TP53I11: variants seen among roughly 807,000 people sequenced by gnomAD.
TP53I11 encodes the protein tumor protein p53-inducible protein 11.
A neutral mutation model predicts 23.3 loss-of-function variants in TP53I11; 9 were observed. That is an observed-to-expected ratio of 0.39 (90% CI 0.23 to 0.67). TP53I11 has a LOEUF of 0.67. Ranked by LOEUF, TP53I11 falls within the 30% of genes least tolerant of loss-of-function variation. The pLI, the probability that TP53I11 is intolerant of heterozygous loss-of-function variation, is 0.48. For missense variants in TP53I11, 170 were observed against 255.2 expected, an observed-to-expected ratio of 0.67 and a Z score of 2.27; for synonymous variants, 100 against 106.1, an observed-to-expected ratio of 0.94 and a Z score of 0.35.
At chr11:44,937,521 T>A in intron 3 of TP53I11, 34 bp downstream of exon 3, 1 of 1,611,826 alleles carries the variant, frequency 6.2e-7, no homozygotes, top group Non-Finnish European at 8.5e-7. Flanking sequence ...GCCGCAGGCC[T>A]TCCCCTCCCC....
Position 44,936,578 on chromosome 11 carries a change from A to G in TP53I11, c.334+225T>C, listed in dbSNP as rs2135425560. On this transcript the variant is annotated intron_variant, in intron 5 of 6. Transcript: ENST00000525680. This position sits in a 1 kb window ranked among gnomAD's most constrained non-coding sequence, Gnocchi z 4.4. Reference sequence around the variant, plus strand: ...ACACACTTATGAGCGCTCCTTGCAGATGGTGGCGACTGCAAGCTCCAACCC... The same window carrying G: ...ACACACTTATGAGCGCTCCTTGCAGGTGGTGGCGACTGCAAGCTCCAACCC... 2 of 1,309,794 alleles carry G rather than the reference A, an allele frequency of 1.5e-6. No homozygotes were observed. The highest frequency in any genetic ancestry group is 1.9e-6 in the Non-Finnish European group (2 of 1,029,840). 81.1% of individuals were successfully genotyped at this position (1,309,794 alleles called of 1,614,324 possible).
chr11:44,937,309 T>G lies in TP53I11; in HGVS notation c.232A>C (p.Ile78Leu), dbSNP rs1861255486. Residue 78 changes from isoleucine (I) to leucine (L), a missense_variant, in exon 4 of 7, where the codon ATC becomes CTC. Physicochemically the swap from Ile to Leu is conservative, Grantham distance 5. Transcript: ENST00000525680. ...VSAVLFSGIA[I>L]MALAFPDQLY... ...GGCTGGGGGTGGGGGCTCACCATGA[T>G]GGCAATGCCGGAGAAGAGCACAGCA... is the stretch of plus-strand genomic sequence containing the variant. 6.6e-7 allele frequency: 1 copy of G among 1,505,464 alleles called. No individual in the cohort carries two copies. The highest frequency in any genetic ancestry group is 8.9e-7 in the Non-Finnish European group (1 of 1,128,348). The allele number at this position is 1,505,464 out of a possible 1,614,324, so 93.3% of individuals were successfully genotyped here.
At chr11:44,942,048 CCA>C (rs1249977098) in intron 1 of TP53I11, among the ~76,000 whole-genome samples, 1 of 141,884 alleles carries the variant, frequency 7.0e-6, no homozygotes. Flanking sequence ...CACATACACA[CCA>C]CACACACCAC....
At chr11:44,949,765 G>C (rs1247901479) in intron 1 of TP53I11, among the ~76,000 whole-genome samples, 1 of 152,186 alleles carries the variant, frequency 6.6e-6, no homozygotes, top group Non-Finnish European at 1.5e-5. Flanking sequence ...CCGGCCAGTG[G>C]CCCCACACTG....
intron 1 of TP53I11, among the ~76,000 whole-genome samples, chr11:44,947,807 GTAA>G (rs1309879031): frequency 6.6e-6 from 1 of 152,120 alleles, no homozygotes; most frequent in Non-Finnish European, 1.5e-5. Context: ...TAAATGGGGT[GTAA>G]TAATGACACC....
rs866182494 is a variant in TP53I11 at position 44,949,573 on chromosome 11, G to A, written c.-32+1104C>T. Among the ~76,000 whole-genome samples the A allele has an allele frequency of 9.9e-5, 15 of 152,234 alleles. No homozygotes were observed. In the Middle Eastern group the frequency reaches 0.014, roughly 138 times the overall value. Reference sequence around the variant, plus strand: ...CCCCGGGCTCCAGGAAGAGGCGGAAGCCCGAGACTGGGTCAGGGCGAAGGA... The same window carrying A: ...CCCCGGGCTCCAGGAAGAGGCGGAAACCCGAGACTGGGTCAGGGCGAAGGA... On this transcript the variant is annotated intron_variant, in intron 1 of 6. Coordinates refer to ENST00000525680, the MANE Select transcript of TP53I11 (RefSeq NM_006034.5).
chr11:44,936,879 C>T lies in TP53I11; in HGVS notation c.258G>A (p.Gln86=). 6.2e-7 allele frequency: 1 copy of T among 1,608,514 alleles called. No homozygotes were observed. The highest frequency in any genetic ancestry group is 8.5e-7 in the Non-Finnish European group (1 of 1,178,158). The change falls in exon 5 of 7, where the codon CAG becomes CAA. Residue 86 remains glutamine (Q), a synonymous_variant. Transcript: ENST00000525680. The surrounding 1 kb of genome is among the most constrained non-coding windows in gnomAD (Gnocchi z 4.4). The stretch of plus-strand genomic sequence containing the variant: ...CTCCATCAAAGACCGCATCATAGAG[C>T]TGGTCAGGGAAGGCAAGCGCCTGCG... ...IAIMALAFPD[Q]LYDAVFDGAQ...
intron 1 of TP53I11, among the ~76,000 whole-genome samples, chr11:44,948,234 A>C (rs1016200405): frequency 1.3e-5 from 2 of 152,142 alleles, no homozygotes; most frequent in African/African-American, 4.8e-5. Context: ...TCCTGGGGTG[A>C]CTGACATACT....
chr11:44,940,079 C>T (rs563575200), intron 1 of TP53I11, among the ~76,000 whole-genome samples: 1 of 152,378 alleles, frequency 6.6e-6, no homozygotes, highest in African/African-American at 2.4e-5. Context: ...ACCTCAGCTG[C>T]TAGCCACTGC....
chr11:44,936,141 CT>C lies in TP53I11; in HGVS notation c.335-480del. ...CCCTGGGGGAGGGGGATGAACCATACTTTTTAGCAGAAGACCACTGACTTGG... is the reference window on the plus strand; with the variant it reads ...CCCTGGGGGAGGGGGATGAACCATACTTTTAGCAGAAGACCACTGACTTGG... On this transcript the variant is annotated intron_variant, in intron 5 of 6. Coordinates refer to ENST00000525680, the MANE Select transcript of TP53I11 (RefSeq NM_006034.5). The surrounding 1 kb of genome is among the most constrained non-coding windows in gnomAD (Gnocchi z 4.4). 1.1e-6 allele frequency: 1 copy of C among 890,552 alleles called. No individual in the cohort carries two copies. The highest frequency in any genetic ancestry group is 1.1e-4 in the East Asian group (1 of 9,456). The allele number at this position is 890,552 out of a possible 1,614,324, so 55.2% of individuals were successfully genotyped here. A position where few individuals can be genotyped will look rare whatever the true frequency, so the allele number is the denominator to read the frequency against.
intron 1 of TP53I11, chr11:44,943,121 C>A (rs956397019): frequency 2.0e-5 from 3 of 152,238 alleles, no homozygotes; most frequent in Non-Finnish European, 4.4e-5. Context: ...AGTTTCCCCT[C>A]TTGTGAAATG....
rs1175748762 is a variant in TP53I11 at position 44,942,455 on chromosome 11, CACACACAT to C, written c.-31-4097_-31-4090del. 4.4e-4 allele frequency among the ~76,000 whole-genome samples: 64 copies of C among 144,332 alleles called. 1 individual carries two copies. Among genetic ancestry groups the C allele is most frequent in the Admixed American group, 1.7e-3 (25 of 14,580 alleles). 94.7% of individuals were successfully genotyped at this position (144,332 alleles called of 152,430 possible). ...ACACACACACACACACACACACACA[CACACACAT>C]ACACACACAGAGCATTCCCCTCTGC... On this transcript the variant is annotated intron_variant, in intron 1 of 6. Coordinates refer to ENST00000525680, the MANE Select transcript of TP53I11 (RefSeq NM_006034.5).
At chr11:44,942,429 TAC>T (rs56662172) in intron 1 of TP53I11, among the ~76,000 whole-genome samples, 5,246 of 146,160 alleles carry the variant, frequency 0.036, 98 homozygotes, top group Non-Finnish European at 0.043. Flanking sequence ...ACACACACCA[TAC>T]ACACACACAC....
At chr11:44,944,143 TGGG>T (rs1862168469) in intron 1 of TP53I11, among the ~76,000 whole-genome samples, 1 of 152,092 alleles carries the variant, frequency 6.6e-6, no homozygotes, top group African/African-American at 2.4e-5. Flanking sequence ...CTCCAGGAGA[TGGG>T]GTGCAAATGC....
At chr11:44,942,995 C>A (rs76296311) in intron 1 of TP53I11, among the ~76,000 whole-genome samples, 4 of 152,212 alleles carry the variant, frequency 2.6e-5, no homozygotes, top group African/African-American at 9.6e-5. Flanking sequence ...GAAGACTCCA[C>A]CGTGCACTAT....
intron 2 of TP53I11, 139 bp from the exon 3 acceptor site, chr11:44,937,752 G>A (rs564568371): frequency 1.2e-6 from 1 of 809,122 alleles, no homozygotes; most frequent in South Asian, 1.7e-5. Flanking sequence ...CAGGTGGGGA[G>A]GGTCACATGA....
Position 44,935,677 on chromosome 11 carries a change from G to GGGGGGGGGAA in TP53I11, c.335-16_335-15insTTCCCCCCCC. 1.7e-6 allele frequency: 1 copy of GGGGGGGGGAA among 575,492 alleles called. No individual in the cohort carries two copies. The highest frequency in any genetic ancestry group is 2.5e-5 in the Admixed American group (1 of 40,138). The allele number at this position is 575,492 out of a possible 1,614,324, so 35.6% of individuals were successfully genotyped here. A position where few individuals can be genotyped will look rare whatever the true frequency, so the allele number is the denominator to read the frequency against. On this transcript the variant is annotated splice_polypyrimidine_tract_variant and intron_variant, in intron 5 of 6. Coordinates refer to ENST00000525680, the MANE Select transcript of TP53I11 (RefSeq NM_006034.5). Reference sequence around the variant, plus strand: ...CAGGGAGATGCCTGGGGCGGGGGATGAAAAGGGGGCTGGGGGTGGGACAGC... The same window carrying GGGGGGGGGAA: ...CAGGGAGATGCCTGGGGCGGGGGATGGGGGGGGGAAAAAAGGGGGCTGGGGGTGGGACAGC...
At chr11:44,947,167 C>T (rs1012981590) in intron 1 of TP53I11, 1 of 454,882 alleles carries the variant, frequency 2.2e-6, no homozygotes. Context: ...GCCTCCATCA[C>T]CGCTCAGAAG....
At position 44,933,192 on chromosome 11, in the gene TP53I11, C is replaced by CAG. The variant is rs1200765629; in HGVS notation, c.*1690_*1691dup. On this transcript the variant is annotated 3_prime_UTR_variant, in exon 7 of 7. Transcript: ENST00000525680. ...ATTCTGCTCTGCCACGTTTACCAAG[C>CAG]AGAGTCTCGGGGCATCCGCTGTAAC... 1 of 152,312 alleles carries CAG rather than the reference C, an allele frequency of 6.6e-6. No individual in the cohort carries two copies. Among genetic ancestry groups the CAG allele is most frequent in the African/African-American group, 2.4e-5 (1 of 41,460 alleles). The allele number at this position is 152,312 out of a possible 1,614,324, so 9.4% of individuals were successfully genotyped here.
Sources: gnomAD v4.1 joint callset for allele counts (sites outside exome capture counted in the v4.1 genomes callset) on GRCh38, gnomAD v4.1.1 for gene constraint, Gnocchi (gnomAD v3.1) non-coding constraint, MANE v1.5 for transcripts, NCBI Gene and HGNC (gene_info 2026-07-23, HGNC 2026-07-21) for gene names.